The following NEGR1 variants were observed in gnomAD, a reference collection of about 807,000 sequenced individuals.
The protein encoded by NEGR1 is neuronal growth regulator 1.
Under a neutral mutation model 40.9 loss-of-function variants are expected in NEGR1, and 10 were observed. The observed-to-expected ratio is 0.24, with a 90% CI of 0.15 to 0.42. The LOEUF is 0.42. NEGR1 is among the 10% of genes least tolerant of loss of function. The pLI is 1.00. For missense variants in NEGR1, 352 were observed against 438.9 expected (o/e 0.80, Z 1.77); for synonymous variants, 185 against 166.8 (o/e 1.11, Z -0.84).
intron 4 of NEGR1, among the ~76,000 whole-genome samples, chr1:71,677,712 G>A (rs891610209): frequency 2.6e-5 from 4 of 152,060 alleles, no homozygotes; most frequent in African/African-American, 7.2e-5. Flanking sequence ...GCATGACCAC[G>A]CTGATTCTGG....
At position 71,928,497 on chromosome 1, in the gene NEGR1, C is replaced by CACATATATATACACAT. The variant is rs1557439490; in HGVS notation, c.409+6581_409+6582insATGTGTATATATATGT. 5.6e-3 allele frequency among the ~76,000 whole-genome samples: 766 copies of CACATATATATACACAT among 135,850 alleles called. 28 individuals carry two copies. The highest frequency in any genetic ancestry group is 0.02 in the African/African-American group (721 of 36,652). 89.1% of individuals were successfully genotyped at this position (135,850 alleles called of 152,430 possible). A position where few individuals can be genotyped will look rare whatever the true frequency, so the allele number is the denominator to read the frequency against. On this transcript the variant is annotated intron_variant, in intron 2 of 6. Transcript: ENST00000357731. Reference sequence around the variant, plus strand: ...ATACACATATATATGTATATATACACATATGTATACATGTGTATATATATA... The same window carrying CACATATATATACACAT: ...ATACACATATATATGTATATATACACACATATATATACACATATATGTATACATGTGTATATATATA...
chr1:72,112,929 T>C (rs2100272334), intron 1 of NEGR1, among the ~76,000 whole-genome samples: 1 of 151,836 alleles, frequency 6.6e-6, no homozygotes, highest in South Asian at 2.1e-4. Flanking sequence ...TCCCCTCAAA[T>C]TCCTCCTTTT....
intron 2 of NEGR1, among the ~76,000 whole-genome samples, chr1:71,925,707 T>C (rs915989246): frequency 6.8e-6 from 1 of 147,636 alleles, no homozygotes; most frequent in Non-Finnish European, 1.5e-5. Flanking sequence ...TAGTGATATC[T>C]TAATTATATA....
intron 3 of NEGR1, among the ~76,000 whole-genome samples, chr1:71,726,106 G>A (rs1654666471): frequency 6.6e-6 from 1 of 152,112 alleles, no homozygotes; most frequent in Non-Finnish European, 1.5e-5. Context: ...AGAAAACTTA[G>A]ACAGTACTTA....
chr1:72,155,449 A>G (rs892711825), intron 1 of NEGR1, among the ~76,000 whole-genome samples: 2 of 152,034 alleles, frequency 1.3e-5, no homozygotes, highest in Admixed American at 6.6e-5. Context: ...CATTTTGGCA[A>G]GGATGATATC....
chr1:71,870,773 T>C (rs973562017), intron 2 of NEGR1, among the ~76,000 whole-genome samples: 1 of 152,218 alleles, frequency 6.6e-6, no homozygotes, highest in African/African-American at 2.4e-5. Context: ...TTCATTCAAA[T>C]CTGTGTGCTC....
rs138459848 is a variant in NEGR1 at position 71,628,129 on chromosome 1, C to T, written c.668-16983G>A. Among the ~76,000 whole-genome samples, 38 of 152,152 alleles carry T rather than the reference C, an allele frequency of 2.5e-4. No homozygotes were observed. In the East Asian group the frequency reaches 7.2e-3, roughly 29 times the overall value. On this transcript the variant is annotated intron_variant, in intron 4 of 6. Coordinates refer to ENST00000357731, the MANE Select transcript of NEGR1 (RefSeq NM_173808.3). ...TTTTATATGTCATCTACTCACTCTA[C>T]TTTTATTCTGAATTATTGTCTCTTC...
At chr1:71,712,623 T>G (rs1654137882) in intron 3 of NEGR1, among the ~76,000 whole-genome samples, 1 of 152,194 alleles carries the variant, frequency 6.6e-6, no homozygotes, top group Non-Finnish European at 1.5e-5. Flanking sequence ...AAAAATTATG[T>G]GAGGAAAATT....
At chr1:72,076,586 A>G (rs1403961337) in intron 1 of NEGR1, among the ~76,000 whole-genome samples, 1 of 143,260 alleles carries the variant, frequency 7.0e-6, no homozygotes, top group Admixed American at 7.2e-5. Flanking sequence ...GCTGGCTGAC[A>G]GTATATCTTG....
chr1:72,142,333 G>C (rs962265296), intron 1 of NEGR1, among the ~76,000 whole-genome samples: 1 of 151,884 alleles, frequency 6.6e-6, no homozygotes, highest in Non-Finnish European at 1.5e-5. Context: ...AAAAATGTGA[G>C]ATTGATCTTT....
chr1:71,895,212 T>C (rs907392489), intron 2 of NEGR1, among the ~76,000 whole-genome samples: 1 of 152,182 alleles, frequency 6.6e-6, no homozygotes, highest in Non-Finnish European at 1.5e-5. Context: ...CATTATCATC[T>C]AACCTTAGTG....
At chr1:71,812,531 C>T (rs1658039772) in intron 2 of NEGR1, among the ~76,000 whole-genome samples, 1 of 152,146 alleles carries the variant, frequency 6.6e-6, no homozygotes, top group South Asian at 2.1e-4. Flanking sequence ...AAAAGCATTC[C>T]TATTTCTCCA....
intron 1 of NEGR1, among the ~76,000 whole-genome samples, chr1:72,014,190 G>A (rs1312992235): frequency 1.3e-5 from 2 of 151,814 alleles, no homozygotes; most frequent in Non-Finnish European, 2.9e-5. Context: ...TTATTAGCTA[G>A]TGTTGTTTAT....
intron 1 of NEGR1, among the ~76,000 whole-genome samples, chr1:72,246,517 T>C (rs1654907991): frequency 6.6e-6 from 1 of 152,228 alleles, no homozygotes; most frequent in Admixed American, 6.5e-5. Flanking sequence ...TTAAGCATTT[T>C]CTTCTCTGTA....
At chr1:71,689,589 A>T (rs1653182138) in intron 4 of NEGR1, among the ~76,000 whole-genome samples, 1 of 152,090 alleles carries the variant, frequency 6.6e-6, no homozygotes, top group African/African-American at 2.4e-5. Flanking sequence ...GTAAATATAG[A>T]CTGAATAATT....
chr1:72,089,201 T>C (rs1319991392), intron 1 of NEGR1, among the ~76,000 whole-genome samples: 1 of 152,102 alleles, frequency 6.6e-6, no homozygotes, highest in Non-Finnish European at 1.5e-5. Flanking sequence ...ATAAAAAGCT[T>C]GAGATGGCCA....
At chr1:72,246,655 T>C (rs1270882716) in intron 1 of NEGR1, among the ~76,000 whole-genome samples, 1 of 152,188 alleles carries the variant, frequency 6.6e-6, no homozygotes, top group Non-Finnish European at 1.5e-5. Context: ...TTGCAATAAG[T>C]CTTGCAAGCT....
chr1:71,568,804 GTGTGTGTA>G (rs1301537936), intron 6 of NEGR1, among the ~76,000 whole-genome samples: 1 of 22,838 alleles, frequency 4.4e-5, no homozygotes, highest in Non-Finnish European at 1.4e-4. Flanking sequence ...TTATATGTAT[GTGTGTGTA>G]TGTGTATATA....
intron 6 of NEGR1, among the ~76,000 whole-genome samples, chr1:71,496,896 A>G (rs947409435): frequency 4.6e-5 from 7 of 152,174 alleles, no homozygotes; most frequent in African/African-American, 1.7e-4. Context: ...CTTTGTAGCT[A>G]GTTAAGCCAC....
Sources: gnomAD v4.1 joint callset for allele counts (sites outside exome capture counted in the v4.1 genomes callset) on GRCh38, gnomAD v4.1.1 for gene constraint, MANE v1.5 for transcripts, NCBI Gene and HGNC (gene_info 2026-07-23, HGNC 2026-07-21) for gene names.